The following LRRC4C variants were observed in gnomAD, a reference collection of about 807,000 sequenced individuals.
LRRC4C encodes the protein leucine rich repeat containing 4C, also known as leucine-rich repeat-containing protein 4C.
In LRRC4C, 5 loss-of-function variants were observed where a neutral mutation model predicts 33.6. The ratio of observed to expected loss-of-function variants is 0.15; its 90% confidence interval spans 0.08 to 0.31. The LOEUF is 0.31. Among genes scored for constraint, LRRC4C ranks in the 10% least tolerant of loss-of-function variants. The pLI is 1.00. For synonymous variants in LRRC4C, 329 were observed against 302.0 expected, an observed-to-expected ratio of 1.09 and a Z score of -0.93; for missense variants, 560 against 796.7, an observed-to-expected ratio of 0.70 and a Z score of 3.58.
chr11:41,430,486 G>A (rs1292835270), intron 1 of LRRC4C, among the ~76,000 whole-genome samples: 1 of 152,004 alleles, frequency 6.6e-6, no homozygotes, highest in Non-Finnish European at 1.5e-5. Flanking sequence ...CTTGCCCTCA[G>A]GAAATGACTA....
chr11:41,062,812 A>G (rs1292882205), intron 1 of LRRC4C, among the ~76,000 whole-genome samples: 1 of 152,240 alleles, frequency 6.6e-6, no homozygotes, highest in African/African-American at 2.4e-5. Context: ...AAGACACAAC[A>G]GAGATACAGA....
At chr11:40,949,206 G>C (rs1434026221) in intron 1 of LRRC4C, among the ~76,000 whole-genome samples, 1 of 152,098 alleles carries the variant, frequency 6.6e-6, no homozygotes, top group Non-Finnish European at 1.5e-5. Flanking sequence ...CCCACATTTT[G>C]ATGGGGTTGT....
rs1855387237 is a variant in LRRC4C, at chr11:40,115,802, G to A, written c.491C>T (p.Pro164Leu). The A allele has an allele frequency of 1.2e-6, 2 of 1,614,132 alleles. No homozygotes were observed. Among genetic ancestry groups the A allele is most frequent in the Non-Finnish European group, 1.7e-6 (2 of 1,180,018 alleles). ...AGGAATTCTGTTAAAAGCATAAGAA[G>A]GGATGCTTTCAATGGGGTTGTTTCG... ...WLRNNPIESI[P>L]SYAFNRIPSL... The change falls in exon 7 of 7, where the codon CCT becomes CTT. Residue 164 changes from proline to leucine, a missense_variant. By Grantham distance (98) the Pro-to-Leu change is moderately conservative (BLOSUM62 -3). This residue lies in a region of LRRC4C where 455 missense variants were observed against 643.8 expected (regional missense o/e 0.71). Coordinates refer to ENST00000528697, the MANE Select transcript of LRRC4C (RefSeq NM_001258419.2). This position sits in a 1 kb window ranked among gnomAD's most constrained non-coding sequence, Gnocchi z 6.7.
intron 1 of LRRC4C, among the ~76,000 whole-genome samples, chr11:41,254,647 T>C (rs1306045191): frequency 6.6e-6 from 1 of 151,960 alleles, no homozygotes; most frequent in Non-Finnish European, 1.5e-5. Context: ...TCCAAGACCA[T>C]CTACTCCTGA....
At chr11:41,141,037 G>T (rs1221731094) in intron 1 of LRRC4C, among the ~76,000 whole-genome samples, 1 of 152,056 alleles carries the variant, frequency 6.6e-6, no homozygotes, top group Non-Finnish European at 1.5e-5. Flanking sequence ...TATGATATTT[G>T]CCTTTCTAAA....
chr11:40,892,958 C>G (rs1317986326), intron 2 of LRRC4C, among the ~76,000 whole-genome samples: 4 of 151,578 alleles, frequency 2.6e-5, no homozygotes, highest in Admixed American at 2.0e-4. Flanking sequence ...GTTACCACAA[C>G]AAAAAAGAAA....
At chr11:41,378,412 CA>C (rs1953021072) in intron 1 of LRRC4C, among the ~76,000 whole-genome samples, 1 of 152,046 alleles carries the variant, frequency 6.6e-6, no homozygotes, top group Non-Finnish European at 1.5e-5. Flanking sequence ...CAAGGTATTG[CA>C]TTAATTTTGT....
At chr11:41,437,387 T>C (rs1476533634) in intron 1 of LRRC4C, among the ~76,000 whole-genome samples, 1 of 149,446 alleles carries the variant, frequency 6.7e-6, no homozygotes, top group Non-Finnish European at 1.5e-5. Flanking sequence ...TCTTGCTCAT[T>C]AAGACACACA....
chr11:40,413,694 G>T (rs893643708), intron 3 of LRRC4C, among the ~76,000 whole-genome samples: 6 of 152,090 alleles, frequency 3.9e-5, no homozygotes, highest in African/African-American at 1.4e-4. Context: ...ATATGCAGAA[G>T]ATATTTATGT....
At chr11:41,293,717 C>T (rs1273959502) in intron 1 of LRRC4C, among the ~76,000 whole-genome samples, 1 of 152,068 alleles carries the variant, frequency 6.6e-6, no homozygotes, top group Non-Finnish European at 1.5e-5. Context: ...CCTGCCTCAG[C>T]CTCCCGAGTA....
At chr11:40,544,820 C>G (rs576797103) in intron 3 of LRRC4C, among the ~76,000 whole-genome samples, 2 of 151,548 alleles carry the variant, frequency 1.3e-5, no homozygotes, top group Non-Finnish European at 3.0e-5. Context: ...TCATTTTTTT[C>G]TTTTTCCATT....
chr11:40,903,541 AT>A (rs1396720213), intron 2 of LRRC4C, among the ~76,000 whole-genome samples: 1 of 152,224 alleles, frequency 6.6e-6, no homozygotes, highest in Non-Finnish European at 1.5e-5. Context: ...AAGCAAAATA[AT>A]TTTAGAACCT....
chr11:40,680,140 G>A (rs776263630), intron 2 of LRRC4C, among the ~76,000 whole-genome samples: 5 of 152,146 alleles, frequency 3.3e-5, no homozygotes, highest in African/African-American at 4.8e-5. Flanking sequence ...CTGGATAATC[G>A]AACTTGCATG....
chr11:40,120,808 T>C (rs1855770052), intron 6 of LRRC4C, among the ~76,000 whole-genome samples: 1 of 152,144 alleles, frequency 6.6e-6, no homozygotes, highest in African/African-American at 2.4e-5. Context: ...GCAGCCATGC[T>C]CAGTGGTCAA....
At chr11:41,127,355 C>G (rs2135810408) in intron 1 of LRRC4C, among the ~76,000 whole-genome samples, 1 of 151,208 alleles carries the variant, frequency 6.6e-6, no homozygotes, top group African/African-American at 2.4e-5. Flanking sequence ...TCCTCTTCTT[C>G]TTTTAAATGC....
chr11:40,209,066 C>T lies in LRRC4C; in HGVS notation c.-96+32453G>A, dbSNP rs928502577. 4.6e-5 allele frequency among the ~76,000 whole-genome samples: 7 copies of T among 151,940 alleles called. No individual in the cohort carries two copies. In the East Asian group the frequency reaches 5.8e-4, roughly 13 times the overall value. On this transcript the variant is annotated intron_variant, in intron 5 of 6. Transcript: ENST00000528697. The stretch of plus-strand genomic sequence containing the variant: ...AATAAAGGATTGTGCACCTGTATCC[C>T]GGCAATTTACAAAGGACATGTGAAA...
chr11:41,457,174 C>A (rs543289874), intron 1 of LRRC4C, among the ~76,000 whole-genome samples: 34 of 152,290 alleles, frequency 2.2e-4, no homozygotes, highest in African/African-American at 7.9e-4. Context: ...CACCACACAT[C>A]TAAATATACC....
chr11:41,445,873 T>TGTGTGTGTGTGTGTGTGC (rs1157513173), intron 1 of LRRC4C, among the ~76,000 whole-genome samples: 4 of 151,572 alleles, frequency 2.6e-5, no homozygotes, highest in African/African-American at 9.7e-5. Context: ...TGCATGTGTG[T>TGTGTGTGTGTGTGTGTGC]GTGTGTGTGT....
chr11:40,898,665 A>T (rs1489936417), intron 2 of LRRC4C, among the ~76,000 whole-genome samples: 1 of 152,142 alleles, frequency 6.6e-6, no homozygotes, highest in Non-Finnish European at 1.5e-5. Flanking sequence ...TCAGAACTCC[A>T]TTAGGCAGAC....
Sources: gnomAD v4.1 joint callset for allele counts (sites outside exome capture counted in the v4.1 genomes callset) on GRCh38, gnomAD v4.1.1 for gene constraint, gnomAD v4.1.1 regional missense constraint, Gnocchi (gnomAD v3.1) non-coding constraint, MANE v1.5 for transcripts, NCBI Gene and HGNC (gene_info 2026-07-23, HGNC 2026-07-21) for gene names.